SLC13A3: variants seen among roughly 807,000 people sequenced by gnomAD.
SLC13A3 encodes solute carrier family 13 member 3, also known as Na(+)/dicarboxylate cotransporter 3.
A neutral mutation model predicts 59.0 loss-of-function variants in SLC13A3; 40 were observed. That is an observed-to-expected ratio of 0.68 (90% confidence interval 0.53 to 0.88). The LOEUF (loss-of-function observed/expected upper bound fraction) is 0.88, where lower values mean the gene tolerates loss of function less well. Among genes scored for constraint, SLC13A3 ranks in the 40% least tolerant of loss-of-function variants. SLC13A3 has a pLI of 0.00. For synonymous variants in SLC13A3, 317 were observed against 330.3 expected, an observed-to-expected ratio of 0.96 and a Z score of 0.44; for missense variants, 699 against 783.2, an observed-to-expected ratio of 0.89 and a Z score of 1.28.
chr20:46,604,686 G>A (rs1249637887), intron 3 of SLC13A3, among the ~76,000 whole-genome samples: 1 of 152,114 alleles, frequency 6.6e-6, no homozygotes, highest in Non-Finnish European at 1.5e-5. Flanking sequence ...TTGACCCCCT[G>A]CAGGGGCCTG....
chr20:46,626,811 C>A (rs756702734), intron 1 of SLC13A3, among the ~76,000 whole-genome samples: 24 of 133,484 alleles, frequency 1.8e-4, no homozygotes, highest in Non-Finnish European at 4.0e-4. Context: ...AAGTGGTGGG[C>A]TCTCAGAACA....
intron 1 of SLC13A3, among the ~76,000 whole-genome samples, chr20:46,658,053 C>T (rs1344312498): frequency 6.6e-6 from 1 of 152,058 alleles, no homozygotes; most frequent in African/African-American, 2.4e-5. Flanking sequence ...CTCCCATCAG[C>T]CCTCTCCTGA....
chr20:46,572,208 G>C (rs1382670375), intron 10 of SLC13A3, among the ~76,000 whole-genome samples: 3 of 152,130 alleles, frequency 2.0e-5, no homozygotes, highest in Non-Finnish European at 2.9e-5. Flanking sequence ...AGGGACCTCC[G>C]ATCCTCAGGA....
At position 46,638,539 on chromosome 20, in the gene SLC13A3, G is replaced by C. The variant is rs547183327; in HGVS notation, c.111+12772C>G. On this transcript the variant is annotated intron_variant, in intron 1 of 12. Coordinates refer to ENST00000279027, the MANE Select transcript of SLC13A3 (RefSeq NM_022829.6). The stretch of plus-strand genomic sequence containing the variant: ...CGTCAGCTCCGTCCAGTGAAGCCTG[G>C]AGCTGGCCTCTGAGAGGCCCTGAGG... Among the ~76,000 whole-genome samples the C allele has an allele frequency of 1.0e-3, 156 of 152,370 alleles. 1 individual carries two copies. The highest frequency in any genetic ancestry group is 3.7e-3 in the African/African-American group (155 of 41,592).
chr20:46,560,638 G>A (rs1168817030), intron 12 of SLC13A3, among the ~76,000 whole-genome samples: 2 of 151,878 alleles, frequency 1.3e-5, no homozygotes, highest in South Asian at 4.2e-4. Flanking sequence ...ACACACGCAT[G>A]CACACACACA....
At chr20:46,602,472 A>G (rs1347405375) in intron 3 of SLC13A3, among the ~76,000 whole-genome samples, 3 of 152,154 alleles carry the variant, frequency 2.0e-5, no homozygotes, top group Non-Finnish European at 4.4e-5. Flanking sequence ...CACCACCAAG[A>G]GTAAAATAAC....
chr20:46,674,039 G>A (rs58296647), upstream of SLC13A3, among the ~76,000 whole-genome samples: 3 of 152,032 alleles, frequency 2.0e-5, no homozygotes, highest in Admixed American at 6.5e-5. Context: ...AGCATGTCAC[G>A]TGGAACTTAG....
intron 3 of SLC13A3, chr20:46,608,729 TATTTA>T (rs1364841762): frequency 4.5e-6 from 4 of 889,792 alleles, no homozygotes; most frequent in Non-Finnish European, 4.9e-6. Context: ...AACAGATACG[TATTTA>T]ATTTAATTCA....
chr20:46,632,917 A>C (rs62214373), intron 1 of SLC13A3, among the ~76,000 whole-genome samples: 1,992 of 12,180 alleles, frequency 0.16, 68 homozygotes, highest in South Asian at 0.34. Flanking sequence ...AGATATATCT[A>C]TCTATCTATC....
chr20:46,625,274 T>C (rs1230524860), intron 1 of SLC13A3, among the ~76,000 whole-genome samples: 1 of 152,342 alleles, frequency 6.6e-6, no homozygotes, highest in African/African-American at 2.4e-5. Flanking sequence ...AAGTTCCACA[T>C]TCTGATGATC....
At chr20:46,607,016 G>A (rs984097472) in intron 3 of SLC13A3, among the ~76,000 whole-genome samples, 3 of 152,212 alleles carry the variant, frequency 2.0e-5, no homozygotes, top group African/African-American at 7.2e-5. Flanking sequence ...CCCTGCCCTA[G>A]GTTCTGCCTC....
At chr20:46,646,869 C>T (rs2062899837) in intron 1 of SLC13A3, among the ~76,000 whole-genome samples, 1 of 152,124 alleles carries the variant, frequency 6.6e-6, no homozygotes. Context: ...ATGACTTGCC[C>T]AGCAAGTATG....
At chr20:46,643,398 G>A (rs2122861746) in intron 1 of SLC13A3, among the ~76,000 whole-genome samples, 1 of 152,296 alleles carries the variant, frequency 6.6e-6, no homozygotes, top group Non-Finnish European at 1.5e-5. Context: ...GGAGATCAAT[G>A]AAGGGAAGGA....
chr20:46,642,606 C>G (rs775249010), intron 1 of SLC13A3, among the ~76,000 whole-genome samples: 1 of 152,170 alleles, frequency 6.6e-6, no homozygotes, highest in African/African-American at 2.4e-5. Context: ...TGGCCTCTTG[C>G]GCTTCCCATT....
intron 1 of SLC13A3, among the ~76,000 whole-genome samples, chr20:46,622,641 T>C (rs918845121): frequency 8.0e-5 from 12 of 150,748 alleles, no homozygotes; most frequent in Non-Finnish European, 1.3e-4. Context: ...TGTGTGTGTG[T>C]GTGTGTGTGT....
At chr20:46,589,097 G>A (rs1302862341) in intron 7 of SLC13A3, 63 bp downstream of exon 7, 1 of 1,464,172 alleles carries the variant, frequency 6.8e-7, no homozygotes, top group East Asian at 2.3e-5. Context: ...GGCCAGGCCA[G>A]GAGGAAGCTC....
intron 3 of SLC13A3, among the ~76,000 whole-genome samples, chr20:46,606,847 G>A (rs1026638410): frequency 6.6e-6 from 1 of 152,240 alleles, no homozygotes; most frequent in South Asian, 2.1e-4. Context: ...GACCTAATGA[G>A]AGCGTGCATG....
At chr20:46,634,210 T>C (rs1355432751) in intron 1 of SLC13A3, among the ~76,000 whole-genome samples, 5 of 152,342 alleles carry the variant, frequency 3.3e-5, no homozygotes, top group African/African-American at 9.6e-5. Flanking sequence ...CAGAAGGTGC[T>C]TGATAGGCAT....
chr20:46,600,305 A>G (rs987823227), intron 3 of SLC13A3, among the ~76,000 whole-genome samples: 16 of 68,762 alleles, frequency 2.3e-4, no homozygotes, highest in African/African-American at 1.1e-3. Context: ...GAAAGAAAGA[A>G]AGAAAGAGGG....
Sources: gnomAD v4.1 joint callset for allele counts (sites outside exome capture counted in the v4.1 genomes callset) on GRCh38, gnomAD v4.1.1 for gene constraint, MANE v1.5 for transcripts, NCBI Gene and HGNC (gene_info 2026-07-23, HGNC 2026-07-21) for gene names.